The following NCBP1 variants were observed in gnomAD, a reference collection of about 807,000 sequenced individuals.
The protein encoded by NCBP1 is nuclear cap binding protein subunit 1.
Under a neutral mutation model 111.7 loss-of-function variants are expected in NCBP1, and 16 were observed. That is an observed-to-expected ratio of 0.14 (90% CI 0.10 to 0.22). The LOEUF (loss-of-function observed/expected upper bound fraction) is 0.22. NCBP1 is among the 10% of genes least tolerant of loss of function. NCBP1 has a pLI of 1.00. For synonymous variants in NCBP1, 304 were observed against 314.3 expected (o/e 0.97, Z 0.35); for missense variants, 607 against 957.5 (o/e 0.63, Z 4.83).
chr9:97,645,564 A>C (rs1444987756), intron 5 of NCBP1, 47 bp from the exon 6 acceptor site: 2 of 1,551,230 alleles, frequency 1.3e-6, no homozygotes, highest in African/African-American at 2.8e-5. Flanking sequence ...ATATGAATGA[A>C]TATAATTAAA....
rs1287548291 is a variant in NCBP1, at chr9:97,666,813, A to G, written c.1952A>G (p.His651Arg). 38 of 1,610,738 alleles carry G rather than the reference A, an allele frequency of 2.4e-5. No individual in the cohort carries two copies. The highest frequency in any genetic ancestry group is 3.1e-5 in the Non-Finnish European group (37 of 1,179,030). ...LHSTIRKMNK[H>R]VLKIQKELEE... ...TCTACAATTCGTAAGATGAACAAACATGTCCTGAAGATCCAGAAAGAGCTG... is the reference window on the plus strand; with the variant it reads ...TCTACAATTCGTAAGATGAACAAACGTGTCCTGAAGATCCAGAAAGAGCTG... Residue 651 changes from histidine to arginine, a missense_variant, in exon 20 of 23, where the codon CAT becomes CGT. Transcript: ENST00000375147.
At chr9:97,653,119 C>CTTTTTT (rs57742118) in intron 10 of NCBP1, among the ~76,000 whole-genome samples, 34 of 123,560 alleles carry the variant, frequency 2.8e-4, no homozygotes, top group East Asian at 2.1e-3. Flanking sequence ...TAAAAGAATT[C>CTTTTTT]TTTTTTTTTT....
intron 6 of NCBP1, among the ~76,000 whole-genome samples, chr9:97,646,581 A>G (rs1827340196): frequency 6.6e-6 from 1 of 152,172 alleles, no homozygotes; most frequent in Admixed American, 6.5e-5. Context: ...CACGCCTGTA[A>G]TCCCAGCACT....
chr9:97,663,545 C>T (rs1324725528), intron 18 of NCBP1, among the ~76,000 whole-genome samples: 8 of 151,964 alleles, frequency 5.3e-5, no homozygotes, highest in South Asian at 2.1e-4. Flanking sequence ...AGTGCAGTGG[C>T]GCAATCTTGG....
chr9:97,635,955 A>G (rs532652620), intron 1 of NCBP1: 1 of 152,314 alleles, frequency 6.6e-6, no homozygotes, highest in Non-Finnish European at 1.5e-5. Context: ...GGTTATTGGG[A>G]GACTTACATA....
intron 9 of NCBP1, among the ~76,000 whole-genome samples, chr9:97,650,887 G>T (rs1283351501): frequency 6.6e-6 from 1 of 152,156 alleles, no homozygotes; most frequent in Middle Eastern, 3.4e-3. Context: ...TTTGGGTTTG[G>T]ATACCAATAG....
At chr9:97,655,152 T>A (rs1225756608) in intron 12 of NCBP1, among the ~76,000 whole-genome samples, 3 of 152,246 alleles carry the variant, frequency 2.0e-5, no homozygotes, top group Non-Finnish European at 4.4e-5. Flanking sequence ...AATTTCATTC[T>A]CTAGTCAAGT....
In NCBP1 at chr9:97,657,641, C is replaced by T. The variant is rs2131353266; in HGVS notation, c.1374-999C>T. ...CTCTGTTCTTCATCAGATCTCCATC[C>T]TGCTTTTAGCAGCTACCACTAAGAT... On this transcript the variant is annotated intron_variant, in intron 14 of 22. Transcript: ENST00000375147. Among the ~76,000 whole-genome samples the T allele has an allele frequency of 2.6e-5, 4 of 152,124 alleles. No individual in the cohort carries two copies. In the Middle Eastern group the frequency reaches 0.01, roughly 388 times the overall value.
At chr9:97,634,533 A>G (rs1826938603) in intron 1 of NCBP1, 1 of 152,212 alleles carries the variant, frequency 6.6e-6, no homozygotes, top group African/African-American at 2.4e-5. Context: ...TAGAAAACTA[A>G]CTTCAGGCCT....
chr9:97,650,428 C>T, intron 8 of NCBP1, 75 bp from the exon 9 acceptor site: 1 of 1,127,606 alleles, frequency 8.9e-7, no homozygotes, highest in Non-Finnish European at 1.3e-6. Context: ...ATAATAGTCT[C>T]TCAAATATTT....
chr9:97,652,280 G>T (rs1827518875), intron 10 of NCBP1, among the ~76,000 whole-genome samples: 1 of 152,212 alleles, frequency 6.6e-6, no homozygotes, highest in Non-Finnish European at 1.5e-5. Context: ...GGGATTACAG[G>T]CATGAGCCAC....
intron 19 of NCBP1, among the ~76,000 whole-genome samples, chr9:97,665,647 ATTGT>A (rs1827972767): frequency 6.6e-6 from 1 of 152,170 alleles, no homozygotes; most frequent in Admixed American, 6.5e-5. Flanking sequence ...TTATGAACAG[ATTGT>A]TTTATTATCT....
chr9:97,642,658 T>A (rs1437437289), intron 3 of NCBP1, among the ~76,000 whole-genome samples: 1 of 152,120 alleles, frequency 6.6e-6, no homozygotes, highest in Non-Finnish European at 1.5e-5. Context: ...TTTAAAAAAT[T>A]CAATAATTAA....
chr9:97,648,832 C>T (rs1827420645), intron 8 of NCBP1, among the ~76,000 whole-genome samples: 1 of 152,142 alleles, frequency 6.6e-6, no homozygotes, highest in Admixed American at 6.5e-5. Flanking sequence ...ACTTCAGCCT[C>T]CTGAGTAGCT....
At chr9:97,663,103 A>C in intron 18 of NCBP1, 56 bp downstream of exon 18, 1 of 1,334,704 alleles carries the variant, frequency 7.5e-7, no homozygotes, top group South Asian at 1.3e-5. Context: ...TATAAAAATA[A>C]GGCCGTTAAT....
chr9:97,633,915 G>A lies in NCBP1; in HGVS notation c.34G>A (p.Gly12Ser). 1.3e-6 allele frequency: 2 copies of A among 1,588,082 alleles called. No individual in the cohort carries two copies. Among genetic ancestry groups the A allele is most frequent in the Non-Finnish European group, 8.5e-7 (1 of 1,173,336 alleles). ...SRRRHSDEND[G>S]GQPHKRRKTS... ...GCGGCGGCACAGCGACGAGAACGAC[G>A]GTGAGTGCCTGCGGCCCGGCCACGG... Residue 12 changes from glycine to serine, a missense_variant and splice_region_variant, in exon 1 of 23, where the codon GGT (glycine) becomes AGT (serine). Coordinates refer to ENST00000375147, the MANE Select transcript of NCBP1 (RefSeq NM_002486.5).
At chr9:97,636,909 G>T (rs1827058170) in intron 1 of NCBP1, among the ~76,000 whole-genome samples, 1 of 151,932 alleles carries the variant, frequency 6.6e-6, no homozygotes, top group Non-Finnish European at 1.5e-5. Context: ...AGAAGGCTTC[G>T]GTGTGAATGG....
At chr9:97,653,547 G>T (rs577425028) in intron 10 of NCBP1, among the ~76,000 whole-genome samples, 2 of 152,296 alleles carry the variant, frequency 1.3e-5, no homozygotes, top group East Asian at 3.9e-4. Context: ...TCTCTGGGAG[G>T]AGTGTAGATC....
chr9:97,650,704 C>A, intron 9 of NCBP1, 104 bp downstream of exon 9: 1 of 848,880 alleles, frequency 1.2e-6, no homozygotes, highest in Non-Finnish European at 1.9e-6. Flanking sequence ...TTTTATCCTC[C>A]TGACTCCCTG....
Sources: allele counts gnomAD v4.1 joint callset (sites outside exome capture counted in the v4.1 genomes callset), GRCh38; gene constraint gnomAD v4.1.1; transcripts MANE v1.5; gene names NCBI Gene and HGNC (gene_info 2026-07-23, HGNC 2026-07-21).